The following R3HDM2 variants were observed in gnomAD, a reference collection of about 807,000 sequenced individuals.
R3HDM2 encodes R3H domain containing 2, also known as R3H domain-containing protein 2.
A neutral mutation model predicts 124.5 loss-of-function variants in R3HDM2; 38 were observed. The ratio of observed to expected loss-of-function variants is 0.31; its 90% CI spans 0.24 to 0.40. The LOEUF is 0.40. Among genes scored for constraint, R3HDM2 ranks in the 10% least tolerant of loss-of-function variants. The pLI, the probability that R3HDM2 is intolerant of heterozygous loss-of-function variation, is 1.00. For missense variants in R3HDM2, 869 were observed against 1,236.9 expected (o/e 0.70, Z 4.46); for synonymous variants, 391 against 448.0 (o/e 0.87, Z 1.61).
intron 1 of R3HDM2, among the ~76,000 whole-genome samples, chr12:57,427,323 TAAATA>T (rs1460906941): frequency 7.1e-6 from 1 of 140,048 alleles, no homozygotes; most frequent in Non-Finnish European, 1.5e-5. Context: ...TAAAATAAAA[TAAATA>T]AAACAAAAAT....
intron 1 of R3HDM2, among the ~76,000 whole-genome samples, chr12:57,408,345 G>A (rs769082753): frequency 1.3e-5 from 2 of 152,168 alleles, no homozygotes; most frequent in Non-Finnish European, 2.9e-5. Flanking sequence ...AGGATTATAG[G>A]CATGAGCCAC....
intron 1 of R3HDM2, among the ~76,000 whole-genome samples, chr12:57,400,811 G>A (rs2067982227): frequency 6.6e-6 from 1 of 152,096 alleles, no homozygotes. Flanking sequence ...TTAACCCTCA[G>A]AAATTGCCAA....
chr12:57,305,829 T>C (rs953211144), intron 3 of R3HDM2, among the ~76,000 whole-genome samples: 2 of 152,280 alleles, frequency 1.3e-5, no homozygotes, highest in Non-Finnish European at 2.9e-5. Flanking sequence ...TGCAAGGCAC[T>C]GTGTTGGCCT....
intron 2 of R3HDM2, among the ~76,000 whole-genome samples, chr12:57,350,803 A>G (rs1038473586): frequency 1.3e-5 from 2 of 152,152 alleles, no homozygotes; most frequent in Non-Finnish European, 2.9e-5. Context: ...TAAAATTTAA[A>G]AATTAGCTAG....
At chr12:57,372,047 A>G (rs1023332451) in intron 2 of R3HDM2, among the ~76,000 whole-genome samples, 1 of 152,118 alleles carries the variant, frequency 6.6e-6, no homozygotes, top group Admixed American at 6.6e-5. Context: ...TTTTATTTTT[A>G]GTAGAGATGA....
intron 13 of R3HDM2, 47 bp downstream of exon 13, chr12:57,283,777 A>T (rs1426006313): frequency 6.4e-7 from 1 of 1,572,254 alleles, no homozygotes; most frequent in Admixed American, 1.7e-5. Context: ...CACAGGAGAC[A>T]AGCAAGAAGG....
rs575169261 is a variant in R3HDM2, at chr12:57,313,963, C to T, written c.-35-3500G>A. 3.8e-4 allele frequency among the ~76,000 whole-genome samples: 55 copies of T among 143,576 alleles called. No homozygotes were observed. The South Asian group carries it at 0.011, about 29-fold the overall frequency. 94.2% of individuals were successfully genotyped at this position (143,576 alleles called of 152,430 possible). On this transcript the variant is annotated intron_variant, in intron 2 of 23. Transcript: ENST00000402412. ...CAGCACTTTGGGAGGCTGAGGTGGG[C>T]GGATCACCTGATGTTGGGAGTTTGA...
At chr12:57,418,008 T>C (rs979326402) in intron 1 of R3HDM2, among the ~76,000 whole-genome samples, 1 of 152,212 alleles carries the variant, frequency 6.6e-6, no homozygotes, top group Non-Finnish European at 1.5e-5. Context: ...AACCTTCTTG[T>C]GGAGACTACT....
chr12:57,342,199 G>A (rs1434733407), intron 2 of R3HDM2, among the ~76,000 whole-genome samples: 3 of 152,046 alleles, frequency 2.0e-5, no homozygotes, highest in South Asian at 2.1e-4. Context: ...CACCAACAGC[G>A]AGCTCACATT....
intron 10 of R3HDM2, 102 bp from the exon 11 acceptor site, chr12:57,292,769 CA>C: frequency 8.5e-6 from 6 of 707,318 alleles, no homozygotes; most frequent in South Asian, 1.9e-5. Context: ...TAGTTGCCAT[CA>C]AAAAAATGGA....
rs185263642 is a variant in R3HDM2, at chr12:57,309,171, T to C, written c.165+1093A>G. Among the ~76,000 whole-genome samples the C allele has an allele frequency of 4.7e-4, 72 of 152,358 alleles. 1 individual carries two copies. Among genetic ancestry groups the C allele is most frequent in the Non-Finnish European group, 7.8e-4 (53 of 68,038 alleles). On this transcript the variant is annotated intron_variant, in intron 3 of 23. Coordinates refer to ENST00000402412, the MANE Select transcript of R3HDM2 (RefSeq NM_001394031.1). ...CAAACCTTATGTGAATTGAATTGTC[T>C]AGAAAAATTATGCTTCAAGTTTCCA...
chr12:57,304,241 G>A (rs2052014772), intron 3 of R3HDM2, among the ~76,000 whole-genome samples: 1 of 152,200 alleles, frequency 6.6e-6, no homozygotes, highest in African/African-American at 2.4e-5. Context: ...AGAAACCGAG[G>A]AAGATAAAGA....
At chr12:57,390,621 C>T (rs1412330665) in intron 2 of R3HDM2, among the ~76,000 whole-genome samples, 1 of 151,976 alleles carries the variant, frequency 6.6e-6, no homozygotes, top group Non-Finnish European at 1.5e-5. Flanking sequence ...CACTTGAGCC[C>T]AGGAGTTCGA....
chr12:57,418,084 C>T (rs983120032), intron 1 of R3HDM2: 5 of 851,510 alleles, frequency 5.9e-6, no homozygotes, highest in African/African-American at 1.8e-5. Flanking sequence ...AGCTGCTAGA[C>T]ATTTCCAAAA....
chr12:57,258,820 T>C (rs181143434), intron 20 of R3HDM2, 70 bp downstream of exon 20: 340 of 1,366,230 alleles, frequency 2.5e-4, no homozygotes, highest in Non-Finnish European at 3.1e-4. Context: ...GCTCAGTCAA[T>C]AGCAAACATT....
At chr12:57,369,620 C>T (rs2063077312) in intron 2 of R3HDM2, among the ~76,000 whole-genome samples, 2 of 152,024 alleles carry the variant, frequency 1.3e-5, no homozygotes, top group Admixed American at 6.6e-5. Context: ...TTTTACCATT[C>T]GAAAAGGCAC....
chr12:57,269,191 T>C, intron 16 of R3HDM2, 109 bp from the exon 17 acceptor site: 9 of 1,551,104 alleles, frequency 5.8e-6, no homozygotes, highest in South Asian at 2.4e-5. Flanking sequence ...CTGGAGAGCA[T>C]AGGTCTGTTC....
intron 1 of R3HDM2, among the ~76,000 whole-genome samples, chr12:57,401,286 G>A (rs1030144484): frequency 1.3e-5 from 2 of 151,562 alleles, no homozygotes; most frequent in Non-Finnish European, 2.9e-5. Flanking sequence ...TGCGACCACC[G>A]AGCCCAGGCC....
At chr12:57,385,693 CAA>C (rs745872445) in intron 2 of R3HDM2, among the ~76,000 whole-genome samples, 12 of 120,144 alleles carry the variant, frequency 1.0e-4, no homozygotes, top group East Asian at 2.4e-4. Context: ...ACCCCGTCTT[CAA>C]AAAAAAAAAA....
Sources: gnomAD v4.1 joint callset for allele counts (sites outside exome capture counted in the v4.1 genomes callset) on GRCh38, gnomAD v4.1.1 for gene constraint, MANE v1.5 for transcripts, NCBI Gene and HGNC (gene_info 2026-07-23, HGNC 2026-07-21) for gene names.